The following GPHN variants were observed in gnomAD, a reference collection of about 807,000 sequenced individuals.
The protein encoded by GPHN is gephyrin.
In GPHN, 17 loss-of-function variants were observed where a neutral mutation model predicts 95.5. The ratio of observed to expected loss-of-function variants is 0.18; its 90% CI spans 0.12 to 0.27. The LOEUF (loss-of-function observed/expected upper bound fraction) is 0.27. GPHN is among the 10% of genes least tolerant of loss of function. The pLI is 1.00. For synonymous variants in GPHN, 320 were observed against 322.5 expected (o/e 0.99, Z 0.08); for missense variants, 660 against 978.1 (o/e 0.67, Z 4.34).
the GPHN span, among the ~76,000 whole-genome samples, chr14:67,191,815 T>C: frequency 1.5e-4 from 23 of 152,344 alleles, no homozygotes; most frequent in Non-Finnish European, 2.8e-4. Flanking sequence ...TGGTTTCCGA[T>C]CTGTAATCAG....
At chr14:66,824,838 G>A (rs909120838) in intron 4 of GPHN, among the ~76,000 whole-genome samples, 2 of 152,044 alleles carry the variant, frequency 1.3e-5, no homozygotes, top group Admixed American at 1.3e-4. Context: ...CTAATTTCAG[G>A]CACATTTCCA....
At chr14:66,841,645 G>T (rs1309819063) in intron 4 of GPHN, among the ~76,000 whole-genome samples, 1 of 152,170 alleles carries the variant, frequency 6.6e-6, no homozygotes, top group Admixed American at 6.5e-5. Flanking sequence ...AAGACTATGG[G>T]AAAAGTAGGT....
At chr14:67,600,194 C>G in the GPHN span, 2 of 1,578,806 alleles carry the variant, frequency 1.3e-6, no homozygotes, top group South Asian at 2.3e-5. Context: ...AAGCTCCGCT[C>G]ATCCTCCATG....
chr14:67,562,376 A>G, the GPHN span: 1 of 1,613,426 alleles, frequency 6.2e-7, no homozygotes, highest in Non-Finnish European at 8.5e-7. Flanking sequence ...TTCTGGGGAA[A>G]CAGTAGAGGC....
chr14:67,589,323 T>A, the GPHN span: 1 of 978,664 alleles, frequency 1.0e-6, no homozygotes, highest in Non-Finnish European at 1.2e-6. Context: ...CAATATTTGC[T>A]TATTTATTCT....
the GPHN span, among the ~76,000 whole-genome samples, chr14:67,496,311 T>G: frequency 2.6e-4 from 40 of 151,162 alleles, no homozygotes; most frequent in Admixed American, 5.3e-4. Context: ...CAGGCTGGTC[T>G]CAAATTCCTG....
At chr14:66,689,321 A>T (rs2067614995) in intron 2 of GPHN, among the ~76,000 whole-genome samples, 1 of 152,092 alleles carries the variant, frequency 6.6e-6, no homozygotes, top group Non-Finnish European at 1.5e-5. Context: ...CCTTCATTCC[A>T]TTGATGTGAT....
At chr14:66,727,211 A>G (rs2071328880) in intron 2 of GPHN, among the ~76,000 whole-genome samples, 1 of 152,194 alleles carries the variant, frequency 6.6e-6, no homozygotes, top group South Asian at 2.1e-4. Flanking sequence ...GCCTTCTACC[A>G]TGATTGTGAG....
At chr14:66,936,574 A>G (rs182639051) in intron 8 of GPHN, among the ~76,000 whole-genome samples, 18 of 152,364 alleles carry the variant, frequency 1.2e-4, no homozygotes, top group East Asian at 9.6e-4. Flanking sequence ...ATAAATCAAT[A>G]TAATGAAATA....
intron 1 of GPHN, among the ~76,000 whole-genome samples, chr14:66,578,609 A>G (rs1435113511): frequency 6.8e-6 from 1 of 146,676 alleles, no homozygotes; most frequent in African/African-American, 2.5e-5. Context: ...CATTATGGCT[A>G]TCATTAGATT....
chr14:66,909,556 A>G (rs2065564803), intron 5 of GPHN, among the ~76,000 whole-genome samples: 1 of 152,090 alleles, frequency 6.6e-6, no homozygotes, highest in African/African-American at 2.4e-5. Context: ...AGATTAAGGG[A>G]GAAAAGTCAT....
chr14:67,113,184 A>T lies in GPHN; in HGVS notation c.1626+13A>T, dbSNP rs1279084845. 3.7e-6 allele frequency: 6 copies of T among 1,610,526 alleles called. No homozygotes were observed. The highest frequency in any genetic ancestry group is 5.1e-6 in the Non-Finnish European group (6 of 1,176,806). ...AACAGGGAATGAGGTATTAAAAATA[A>T]AAATGGAGGGAGTGGGGAGAGGGCC... On this transcript the variant is annotated intron_variant, in intron 16 of 22. Coordinates refer to ENST00000478722, the MANE Select transcript of GPHN (RefSeq NM_020806.5).
At chr14:67,709,782 G>A in the GPHN span, among the ~76,000 whole-genome samples, 4 of 152,054 alleles carry the variant, frequency 2.6e-5, no homozygotes, top group Admixed American at 2.0e-4. Flanking sequence ...TTTAGACCAA[G>A]GCATCAAAGC....
chr14:66,702,624 A>G (rs1160855634), intron 2 of GPHN, among the ~76,000 whole-genome samples: 1 of 152,184 alleles, frequency 6.6e-6, no homozygotes, highest in Admixed American at 6.5e-5. Context: ...ACAACAACAA[A>G]AAGCCGTCAT....
At chr14:67,184,698 T>C (rs1488433150), downstream of GPHN, among the ~76,000 whole-genome samples, 1 of 152,140 alleles carries the variant, frequency 6.6e-6, no homozygotes, top group Non-Finnish European at 1.5e-5. Flanking sequence ...AAGATAGACA[T>C]GTCCCATTGG....
chr14:67,525,362 T>C, the GPHN span, among the ~76,000 whole-genome samples: 24 of 152,368 alleles, frequency 1.6e-4, no homozygotes, highest in African/African-American at 3.6e-4. Context: ...TTCTTCATCA[T>C]ACATTTTGAT....
At chr14:67,435,450 A>T in the GPHN span, among the ~76,000 whole-genome samples, 6 of 152,320 alleles carry the variant, frequency 3.9e-5, no homozygotes, top group African/African-American at 1.4e-4. Context: ...TGAATTTTGG[A>T]GGGGACATTC....
At chr14:67,026,738 G>A (rs970435966) in intron 10 of GPHN, among the ~76,000 whole-genome samples, 1 of 152,178 alleles carries the variant, frequency 6.6e-6, no homozygotes. Flanking sequence ...CGCCTCCCGG[G>A]TTCACGCCAT....
the GPHN span, among the ~76,000 whole-genome samples, chr14:67,460,487 G>C: frequency 1.3e-5 from 2 of 152,158 alleles, no homozygotes; most frequent in Non-Finnish European, 2.9e-5. Flanking sequence ...GGTGAATCAT[G>C]AGGTCAGGAG....
Sources: gnomAD v4.1 joint callset for allele counts (sites outside exome capture counted in the v4.1 genomes callset) on GRCh38, gnomAD v4.1.1 for gene constraint, MANE v1.5 for transcripts, NCBI Gene and HGNC (gene_info 2026-07-23, HGNC 2026-07-21) for gene names.